Variants in AKAP6 observed in about 807,000 individuals in gnomAD.
AKAP6 encodes A-kinase anchoring protein 6.
AKAP6 carries 58 observed loss-of-function variants against 188.5 expected under a neutral mutation model. The ratio of observed to expected loss-of-function variants is 0.31; its 90% CI spans 0.25 to 0.38. The LOEUF is 0.38. AKAP6 is among the 10% of genes least tolerant of loss of function. AKAP6 has a pLI of 1.00. For missense variants in AKAP6, 2,710 were observed against 2,740.0 expected, an observed-to-expected ratio of 0.99 and a Z score of 0.24; for synonymous variants, 989 against 998.6, an observed-to-expected ratio of 0.99 and a Z score of 0.18.
chr14:32,414,705 T>C (rs1461958229), intron 1 of AKAP6, among the ~76,000 whole-genome samples: 2 of 152,194 alleles, frequency 1.3e-5, no homozygotes, highest in African/African-American at 2.4e-5. Flanking sequence ...TGTCCTTATG[T>C]AGGCAGTGTT....
At chr14:32,515,646 G>A (rs1472587289) in intron 2 of AKAP6, among the ~76,000 whole-genome samples, 1 of 152,068 alleles carries the variant, frequency 6.6e-6, no homozygotes, top group African/African-American at 2.4e-5. Flanking sequence ...AGCAATCTAT[G>A]GGGATACAGA....
At chr14:32,769,397 C>T (rs910390163) in intron 11 of AKAP6, among the ~76,000 whole-genome samples, 2 of 152,022 alleles carry the variant, frequency 1.3e-5, no homozygotes, top group African/African-American at 2.4e-5. Flanking sequence ...TTCACACTTC[C>T]CTTCTCTCTC....
intron 11 of AKAP6, among the ~76,000 whole-genome samples, chr14:32,753,823 T>A (rs1298313137): frequency 7.2e-5 from 11 of 152,092 alleles, no homozygotes; most frequent in Admixed American, 7.2e-4. Context: ...GAAAATAAAT[T>A]GATCATGAAT....
intron 3 of AKAP6, among the ~76,000 whole-genome samples, chr14:32,536,854 T>C (rs1325281144): frequency 5.9e-5 from 9 of 152,192 alleles, no homozygotes; most frequent in Admixed American, 5.9e-4. Context: ...ACGGATACCA[T>C]ATATGGATAC....
intron 5 of AKAP6, among the ~76,000 whole-genome samples, chr14:32,582,570 A>G (rs1885026834): frequency 6.6e-6 from 1 of 152,276 alleles, no homozygotes; most frequent in African/African-American, 2.4e-5. Context: ...CCAGGATAAT[A>G]TCCTGCAGAG....
chr14:32,691,502 G>T (rs570532218), intron 8 of AKAP6, among the ~76,000 whole-genome samples: 1 of 152,156 alleles, frequency 6.6e-6, no homozygotes, highest in South Asian at 2.1e-4. Context: ...TTAAATTGTG[G>T]TCATTTCAGA....
chr14:32,500,289 C>G (rs944373443), intron 2 of AKAP6, among the ~76,000 whole-genome samples: 1 of 152,170 alleles, frequency 6.6e-6, no homozygotes, highest in African/African-American at 2.4e-5. Context: ...CACACATAAC[C>G]CATGACCTGT....
chr14:32,649,382 T>C (rs1168249285), intron 7 of AKAP6, among the ~76,000 whole-genome samples: 1 of 152,186 alleles, frequency 6.6e-6, no homozygotes, highest in Non-Finnish European at 1.5e-5. Flanking sequence ...TTAGACTGTT[T>C]AACCTATTCT....
intron 4 of AKAP6, among the ~76,000 whole-genome samples, chr14:32,575,162 A>G (rs1884661463): frequency 6.6e-6 from 1 of 152,166 alleles, no homozygotes; most frequent in Non-Finnish European, 1.5e-5. Context: ...ATTTGGGAGG[A>G]AATGAAAAGC....
In AKAP6 at chr14:32,721,371, G is replaced by A. The variant is rs75131358; in HGVS notation, c.3001-11083G>A. ...ACCGAAGAAAGTCTGTATTGATGAA[G>A]GAAATTTTTGAGGGTGATATTTATC... On this transcript the variant is annotated intron_variant, in intron 9 of 13. Transcript: ENST00000280979. Among the ~76,000 whole-genome samples the A allele has an allele frequency of 3.8e-3, 579 of 152,250 alleles. 4 individuals carry two copies. The highest frequency in any genetic ancestry group is 0.013 in the African/African-American group (542 of 41,538).
intron 2 of AKAP6, among the ~76,000 whole-genome samples, chr14:32,463,338 G>A (rs367738253): frequency 4.7e-4 from 72 of 152,104 alleles, no homozygotes; most frequent in Middle Eastern, 3.4e-3. Context: ...AAAATCAACC[G>A]CATAACTGGA....
At chr14:32,794,146 A>G (rs2033693444) in intron 12 of AKAP6, among the ~76,000 whole-genome samples, 1 of 152,166 alleles carries the variant, frequency 6.6e-6, no homozygotes, top group Non-Finnish European at 1.5e-5. Flanking sequence ...ATCATAACAA[A>G]CAGTCTATCA....
intron 11 of AKAP6, among the ~76,000 whole-genome samples, chr14:32,745,489 C>G (rs866644192): frequency 6.0e-5 from 7 of 117,318 alleles, no homozygotes; most frequent in Admixed American, 5.3e-4. Flanking sequence ...CTCTCTCTCT[C>G]TCTCTCTGTC....
chr14:32,494,715 A>G (rs543411453), intron 2 of AKAP6, among the ~76,000 whole-genome samples: 54 of 152,270 alleles, frequency 3.5e-4, no homozygotes, highest in African/African-American at 1.3e-3. Context: ...CAGCTGTCCA[A>G]GTCACTTGCA....
In AKAP6 at chr14:32,627,686, T is replaced by A. The variant is rs55832021; in HGVS notation, c.2730+26894T>A. Among the ~76,000 whole-genome samples the A allele has an allele frequency of 6.9e-3, 1,054 of 152,222 alleles. 14 individuals are homozygous for A. The highest frequency in any genetic ancestry group is 0.024 in the African/African-American group (989 of 41,554). Reference sequence around the variant, plus strand: ...AAAGGAAAACAGGAAATTAAGTTCTTAAAGGATTCCTGGAAGTCTCTCTTG... The same window carrying A: ...AAAGGAAAACAGGAAATTAAGTTCTAAAAGGATTCCTGGAAGTCTCTCTTG... On this transcript the variant is annotated intron_variant, in intron 7 of 13. Coordinates refer to ENST00000280979, the MANE Select transcript of AKAP6 (RefSeq NM_004274.5).
intron 7 of AKAP6, 118 bp downstream of exon 7, chr14:32,600,910 T>A (rs1034006984): frequency 2.4e-6 from 2 of 823,654 alleles, no homozygotes; most frequent in East Asian, 3.1e-5. Context: ...AAACTTTATA[T>A]CTCTCTCTAT....
At chr14:32,738,240 T>G (rs1305876109) in intron 11 of AKAP6, among the ~76,000 whole-genome samples, 3 of 152,118 alleles carry the variant, frequency 2.0e-5, no homozygotes, top group African/African-American at 7.2e-5. Flanking sequence ...TGATGACCCT[T>G]CAGAGAGAAA....
Position 32,368,866 on chromosome 14 carries a change from A to C in AKAP6, c.-35+39458A>C, listed in dbSNP as rs138446398. Among the ~76,000 whole-genome samples the C allele has an allele frequency of 9.2e-4, 138 of 149,218 alleles. 1 individual carries two copies. The East Asian group carries it at 0.025, about 28-fold the overall frequency. Reference sequence around the variant, plus strand: ...CCTCTTGAAACTTATAGTTTAGTGGATATTAAGAAGAAGAAAAAAAAAACA... The same window carrying C: ...CCTCTTGAAACTTATAGTTTAGTGGCTATTAAGAAGAAGAAAAAAAAAACA... On this transcript the variant is annotated intron_variant, in intron 1 of 13. Transcript: ENST00000280979.
intron 2 of AKAP6, among the ~76,000 whole-genome samples, chr14:32,510,460 GTGTATATATATATATACA>G (rs1566546910): frequency 2.1e-5 from 1 of 46,964 alleles, no homozygotes; most frequent in African/African-American, 8.9e-5. Context: ...ACATATATAT[GTGTATATATATATATACA>G]TATATATATG....
Sources: gnomAD v4.1 joint callset for allele counts (sites outside exome capture counted in the v4.1 genomes callset) on GRCh38, gnomAD v4.1.1 for gene constraint, MANE v1.5 for transcripts, NCBI Gene and HGNC (gene_info 2026-07-23, HGNC 2026-07-21) for gene names.